Variants in PLET1 observed in about 807,000 individuals in gnomAD.
The protein encoded by PLET1 is placenta-expressed transcript 1 protein.
PLET1 carries 20 observed loss-of-function variants against 18.5 expected under a neutral mutation model. The observed-to-expected ratio is 1.08, with a 90% CI of 0.76 to 1.57. PLET1 has a LOEUF of 1.57. Among genes scored for constraint, PLET1 ranks in the 40% most tolerant of loss-of-function variants. The probability of loss-of-function intolerance (pLI) is 0.00; values close to 1 mark genes in which losing one functional copy is unlikely to be tolerated. For missense variants in PLET1, 256 were observed against 246.4 expected, an observed-to-expected ratio of 1.04 and a Z score of -0.26; for synonymous variants, 93 against 93.8, an observed-to-expected ratio of 0.99 and a Z score of 0.05.
intron 1 of PLET1, among the ~76,000 whole-genome samples, chr11:112,257,349 T>G (rs1377908089): frequency 6.7e-6 from 1 of 149,260 alleles, no homozygotes; most frequent in East Asian, 2.0e-4. Context: ...CTGGACCAAT[T>G]TATCCCTTTT....
intron 1 of PLET1, among the ~76,000 whole-genome samples, chr11:112,256,743 G>A (rs917843497): frequency 1.3e-5 from 2 of 152,340 alleles, no homozygotes; most frequent in South Asian, 4.1e-4. Context: ...GTTGTGTGAT[G>A]CAGATCCCGC....
intron 2 of PLET1, among the ~76,000 whole-genome samples, chr11:112,254,258 G>A (rs1203236161): frequency 4.8e-5 from 7 of 145,294 alleles, no homozygotes; most frequent in African/African-American, 7.6e-5. Flanking sequence ...TGGTATGTGC[G>A]TGTGGTGTCT....
At chr11:112,259,947 A>G (rs1233246344) in intron 1 of PLET1, among the ~76,000 whole-genome samples, 1 of 152,194 alleles carries the variant, frequency 6.6e-6, no homozygotes, top group Non-Finnish European at 1.5e-5. Flanking sequence ...CTGAGGTACA[A>G]GAATTGCTTG....
intron 1 of PLET1, among the ~76,000 whole-genome samples, chr11:112,257,315 C>T (rs1860233703): frequency 6.6e-6 from 1 of 152,098 alleles, no homozygotes; most frequent in South Asian, 2.1e-4. Flanking sequence ...TCTTCCACTC[C>T]AACAGCTTGC....
chr11:112,258,732 A>T (rs1860253653), intron 1 of PLET1, among the ~76,000 whole-genome samples: 4 of 152,224 alleles, frequency 2.6e-5, no homozygotes, highest in Admixed American at 2.6e-4. Context: ...ACCTGTGCTC[A>T]TCTTGAATTA....
chr11:112,249,776 G>A (rs1033108347), intron 3 of PLET1, among the ~76,000 whole-genome samples: 1 of 151,920 alleles, frequency 6.6e-6, no homozygotes, highest in Non-Finnish European at 1.5e-5. Context: ...GGCCAACATG[G>A]TGAAACCCTG....
At chr11:112,249,618 CTG>C (rs1860134385) in intron 3 of PLET1, among the ~76,000 whole-genome samples, 1 of 152,134 alleles carries the variant, frequency 6.6e-6, no homozygotes, top group Admixed American at 6.5e-5. Context: ...CCTGGACAAA[CTG>C]GAGGTTGGCG....
At chr11:112,259,479 T>C (rs1860262526) in intron 1 of PLET1, among the ~76,000 whole-genome samples, 1 of 152,186 alleles carries the variant, frequency 6.6e-6, no homozygotes, top group Non-Finnish European at 1.5e-5. Context: ...CAAAAAGGGC[T>C]ATATAAAAAA....
chr11:112,255,586 A>T lies in PLET1; in HGVS notation c.188T>A (p.Phe63Tyr). Reference sequence around the variant, plus strand: ...ATAGACGCTGTCATTCACGGGAACAAATACTGGGAGGAAATGATGAAGAAG... The same window carrying T: ...ATAGACGCTGTCATTCACGGGAACATATACTGGGAGGAAATGATGAAGAAG... ...IYESNAVYSV[F>Y]VPVNDSVYAV... The change falls in exon 2 of 4, where the codon TTT becomes TAT. Residue 63 changes from phenylalanine to tyrosine, a missense_variant. Physicochemically the swap from Phe to Tyr is conservative, Grantham distance 22. Coordinates refer to ENST00000338832, the MANE Select transcript of PLET1 (RefSeq NM_001145024.1). The T allele has an allele frequency of 6.4e-7, 1 of 1,550,760 alleles. No homozygotes were observed. Among genetic ancestry groups the T allele is most frequent in the Non-Finnish European group, 8.7e-7 (1 of 1,146,658 alleles).
chr11:112,252,445 G>C, intron 2 of PLET1, 36 bp from the exon 3 acceptor site: 1 of 1,524,174 alleles, frequency 6.6e-7, no homozygotes, highest in East Asian at 2.5e-5. Context: ...TAATGCTGAG[G>C]ACCTCATGCG....
rs138936630 is a variant in PLET1, at chr11:112,251,669, C to T, written c.448+679G>A. Among the ~76,000 whole-genome samples, 770 of 152,284 alleles carry T rather than the reference C, an allele frequency of 5.1e-3. 11 individuals carry two copies. The highest frequency in any genetic ancestry group is 0.018 in the African/African-American group (744 of 41,554). On this transcript the variant is annotated intron_variant, in intron 3 of 3. Transcript: ENST00000338832. ...TCAAGGGATCCTTCCGCCTTGGCCT[C>T]CCAAAGTGTTGGGATTACAGGTGTG... is the stretch of plus-strand genomic sequence containing the variant.
rs139668045 is a variant in PLET1 at position 112,257,415 on chromosome 11, T to C, written c.185-1826A>G. On this transcript the variant is annotated intron_variant, in intron 1 of 3. Transcript: ENST00000338832. ...TGTTGCATTCTTAATCATATTGTACTTTGTGCTTTGTGCTATGTGCTGTGG... is the reference window on the plus strand; with the variant it reads ...TGTTGCATTCTTAATCATATTGTACCTTGTGCTTTGTGCTATGTGCTGTGG... Among the ~76,000 whole-genome samples the C allele has an allele frequency of 4.1e-3, 621 of 151,974 alleles. 2 individuals are homozygous for C. The highest frequency in any genetic ancestry group is 6.0e-3 in the Admixed American group (91 of 15,244).
chr11:112,260,377 G>A, intron 1 of PLET1, 29 bp downstream of exon 1: 1 of 1,533,960 alleles, frequency 6.5e-7, no homozygotes, highest in Non-Finnish European at 8.8e-7. Context: ...AGGGAACAAA[G>A]GACAGCAGAG....
chr11:112,258,849 A>T (rs1860254871), intron 1 of PLET1, among the ~76,000 whole-genome samples: 1 of 152,222 alleles, frequency 6.6e-6, no homozygotes. Context: ...CTCATTTAAA[A>T]GTAAGACAAA....
intron 2 of PLET1, among the ~76,000 whole-genome samples, chr11:112,254,644 T>TGG (rs1371831021): frequency 7.4e-6 from 1 of 134,272 alleles, no homozygotes; most frequent in East Asian, 2.4e-4. Context: ...GTGTGGTGTG[T>TGG]GGTGTGTGCT....
At chr11:112,258,666 CTT>C (rs1860252178) in intron 1 of PLET1, among the ~76,000 whole-genome samples, 1 of 152,168 alleles carries the variant, frequency 6.6e-6, no homozygotes, top group African/African-American at 2.4e-5. Flanking sequence ...CTCGTGATCT[CTT>C]TTGCAGTGGT....
rs1860214814 is a variant in PLET1 at position 112,255,396 on chromosome 11, C to T, written c.378G>A (p.Val126=). 4 of 1,552,050 alleles carry T rather than the reference C, an allele frequency of 2.6e-6. No individual in the cohort carries two copies. The African/African-American group carries it at 5.5e-5, about 21-fold the overall frequency. ...QAPEPENITE[V]EIQAFTVQIR... is the part of the protein sequence containing the mutation. ...GCAAGCTAGGTTCTTACTGTATCTC[C>T]ACTTCAGTTATGTTCTCAGGTTCAG... is the stretch of plus-strand genomic sequence containing the variant. The change falls in exon 2 of 4, where the codon GTG becomes GTA. Residue 126 remains valine, a synonymous_variant. Transcript: ENST00000338832.
At chr11:112,250,503 ACACACTAAAAT>A (rs1412629442) in intron 3 of PLET1, among the ~76,000 whole-genome samples, 1 of 152,204 alleles carries the variant, frequency 6.6e-6, no homozygotes, top group African/African-American at 2.4e-5. Flanking sequence ...TGATGGACTT[ACACACTAAAAT>A]GTCAGGGATA....
chr11:112,252,054 A>G (rs886832938), intron 3 of PLET1, among the ~76,000 whole-genome samples: 1 of 152,228 alleles, frequency 6.6e-6, no homozygotes, highest in African/African-American at 2.4e-5. Flanking sequence ...TCTATGTGGT[A>G]TTGAACAGAA....
Sources: gnomAD v4.1 joint callset for allele counts (sites outside exome capture counted in the v4.1 genomes callset) on GRCh38, gnomAD v4.1.1 for gene constraint, MANE v1.5 for transcripts, NCBI Gene and HGNC (gene_info 2026-07-23, HGNC 2026-07-21) for gene names.